Variants in AQR observed in about 807,000 individuals in gnomAD.
The protein encoded by AQR is aquarius intron-binding spliceosomal factor.
Under a neutral mutation model 180.5 loss-of-function variants are expected in AQR, and 61 were observed. The ratio of observed to expected loss-of-function variants is 0.34; its 90% CI spans 0.28 to 0.42. The LOEUF is 0.42. Ranked by LOEUF, AQR falls within the 10% of genes least tolerant of loss-of-function variation. AQR has a pLI of 1.00. For synonymous variants in AQR, 551 were observed against 588.8 expected (o/e 0.94, Z 0.93); for missense variants, 1,281 against 1,798.3 (o/e 0.71, Z 5.20).
chr15:34,920,855 G>A (rs946925351), intron 13 of AQR, among the ~76,000 whole-genome samples: 3 of 152,146 alleles, frequency 2.0e-5, no homozygotes, highest in Non-Finnish European at 2.9e-5. Flanking sequence ...CTACTCGGGA[G>A]GCTGAGGCAG....
chr15:34,901,882 A>G (rs1160753018), intron 19 of AQR, among the ~76,000 whole-genome samples: 1 of 152,238 alleles, frequency 6.6e-6, no homozygotes, highest in East Asian at 1.9e-4. Context: ...GAATACCCAA[A>G]TGAGTATATT....
intron 5 of AQR, among the ~76,000 whole-genome samples, chr15:34,946,299 A>T (rs1894111705): frequency 1.3e-5 from 2 of 152,208 alleles, no homozygotes; most frequent in East Asian, 3.9e-4. Context: ...AGAACATTGA[A>T]ATTATAATGT....
At chr15:34,858,633 G>T (rs551007184) in intron 34 of AQR, among the ~76,000 whole-genome samples, 72 of 152,238 alleles carry the variant, frequency 4.7e-4, no homozygotes, top group African/African-American at 1.7e-3. Context: ...GGATAGCTAA[G>T]ACAATTTCTA....
chr15:34,916,628 A>G (rs1595796275), intron 15 of AQR, among the ~76,000 whole-genome samples: 1 of 152,112 alleles, frequency 6.6e-6, no homozygotes, highest in African/African-American at 2.4e-5. Context: ...TAGGTGTTAA[A>G]TATCTATAGC....
chr15:34,872,831 T>G (rs59072667), intron 30 of AQR, among the ~76,000 whole-genome samples: 4,122 of 152,098 alleles, frequency 0.027, 197 homozygotes, highest in African/African-American at 0.093. Context: ...ATATTGGATA[T>G]TTTGCTGTAA....
Position 34,964,248 on chromosome 15 carries a change from G to A in AQR, c.118C>T (p.Pro40Ser), listed in dbSNP as rs1251520553. Reference sequence around the variant, plus strand: ...AAAATACTTACCTTTATATCAAAAGGTGATTTCTTCTTGATGTGGGGAGCC... The same window carrying A: ...AAAATACTTACCTTTATATCAAAAGATGATTTCTTCTTGATGTGGGGAGCC... ...YWAPHIKKKS[P>S]FDIKVIEDIY... Residue 40 changes from proline to serine, a missense_variant, in exon 2 of 35, where the codon CCT becomes TCT. Coordinates refer to ENST00000156471, the MANE Select transcript of AQR (RefSeq NM_014691.3). The A allele has an allele frequency of 6.2e-7, 1 of 1,606,496 alleles. No individual in the cohort carries two copies. The highest frequency in any genetic ancestry group is 2.2e-5 in the East Asian group (1 of 44,852).
rs988318683 is a variant in AQR, at chr15:34,854,963, A to G, written c.*1829T>C. 7 of 152,226 alleles carry G rather than the reference A, an allele frequency of 4.6e-5. No homozygotes were observed. Among genetic ancestry groups the G allele is most frequent in the African/African-American group, 1.4e-4 (6 of 41,458 alleles). The allele number at this position is 152,226 out of a possible 1,614,324, so 9.4% of individuals were successfully genotyped here. ...AATATTTACAAATGAAAATAATTCT[A>G]TGAGTGCGATTCCCCATACAGATGC... On this transcript the variant is annotated 3_prime_UTR_variant, in exon 35 of 35. Transcript: ENST00000156471.
At position 34,854,613 on chromosome 15, in the gene AQR, C is replaced by T. The variant is rs928155529; in HGVS notation, c.*2179G>A. ...CTCACTTGCCTTTCCAATGAATAAA[C>T]CGTTTAAAAGAATTCAAATCCCACC... On this transcript the variant is annotated 3_prime_UTR_variant, in exon 35 of 35. Transcript: ENST00000156471. 12 of 152,278 alleles carry T rather than the reference C, an allele frequency of 7.9e-5. No individual in the cohort carries two copies. The highest frequency in any genetic ancestry group is 4.6e-4 in the Admixed American group (7 of 15,304). 9.4% of individuals were successfully genotyped at this position (152,278 alleles called of 1,614,324 possible).
chr15:34,906,827 G>A, intron 17 of AQR, 115 bp from the exon 18 acceptor site: 1 of 941,212 alleles, frequency 1.1e-6, no homozygotes, highest in Non-Finnish European at 1.5e-6. Context: ...ATACCGTTGA[G>A]TGACCAATGA....
chr15:34,939,942 C>T (rs759071222), intron 8 of AQR, among the ~76,000 whole-genome samples: 6 of 152,134 alleles, frequency 3.9e-5, no homozygotes, highest in Non-Finnish European at 7.3e-5. Flanking sequence ...TGGAATCTAG[C>T]TAAGTCTGAT....
At chr15:34,914,583 C>G (rs17237249) in intron 16 of AQR, among the ~76,000 whole-genome samples, 3,729 of 152,268 alleles carry the variant, frequency 0.024, 71 homozygotes, top group Middle Eastern at 0.071. Flanking sequence ...TGTCCATTCC[C>G]CTAGAGAGGC....
intron 3 of AQR, among the ~76,000 whole-genome samples, chr15:34,954,781 A>T (rs1894281931): frequency 6.6e-6 from 1 of 151,836 alleles, no homozygotes; most frequent in South Asian, 2.1e-4. Context: ...TTGTAAGATT[A>T]AAAAAAACAG....
At position 34,910,217 on chromosome 15, in the gene AQR, T is replaced by C. The variant is rs773309612; in HGVS notation, c.1581A>G (p.Ile527Met). The change falls in exon 17 of 35, where the codon ATA becomes ATG. Residue 527 changes from isoleucine (I) to methionine (M), a missense_variant. Ile to Met is a conservative substitution (Grantham distance 10). Coordinates refer to ENST00000156471, the MANE Select transcript of AQR (RefSeq NM_014691.3). ...GAACTCGGGTTGGCCAGTTTTCACCTATGTTGGGTTTGGCCACTTCAACGA... is the reference window on the plus strand; with the variant it reads ...GAACTCGGGTTGGCCAGTTTTCACCCATGTTGGGTTTGGCCACTTCAACGA... ...FTVVEVAKPN[I>M]GENWPTRVRA... The C allele has an allele frequency of 3.7e-5, 60 of 1,614,110 alleles. No homozygotes were observed. Among genetic ancestry groups the C allele is most frequent in the Admixed American group, 8.3e-5 (5 of 59,998 alleles).
At chr15:34,870,463 C>T (rs1390985128) in intron 31 of AQR, among the ~76,000 whole-genome samples, 1 of 152,092 alleles carries the variant, frequency 6.6e-6, no homozygotes, top group Admixed American at 6.6e-5. Context: ...GCAAAACATA[C>T]TCCTTGTAAC....
intron 32 of AQR, 152 bp from the exon 33 acceptor site, chr15:34,863,193 T>C: frequency 1.5e-6 from 1 of 682,292 alleles, no homozygotes; most frequent in South Asian, 2.3e-5. Flanking sequence ...TTAATCAATG[T>C]TACGTGACTA....
At chr15:34,954,027 G>A (rs1283220608) in intron 3 of AQR, among the ~76,000 whole-genome samples, 2 of 151,688 alleles carry the variant, frequency 1.3e-5, no homozygotes, top group Non-Finnish European at 2.9e-5. Flanking sequence ...CAATTCTTGT[G>A]CCTCAGACTC....
intron 34 of AQR, among the ~76,000 whole-genome samples, chr15:34,858,437 A>C (rs1892622857): frequency 6.6e-6 from 1 of 152,202 alleles, no homozygotes; most frequent in Non-Finnish European, 1.5e-5. Flanking sequence ...AATTTAAAGA[A>C]GATCTAAATA....
At chr15:34,922,855 T>C (rs896774203) in intron 13 of AQR, among the ~76,000 whole-genome samples, 2 of 152,206 alleles carry the variant, frequency 1.3e-5, no homozygotes, top group Non-Finnish European at 2.9e-5. Flanking sequence ...TAGTATCTTC[T>C]TATGGTTTAA....
At chr15:34,916,819 A>G (rs1893597184) in intron 15 of AQR, among the ~76,000 whole-genome samples, 2 of 151,304 alleles carry the variant, frequency 1.3e-5, no homozygotes, top group Admixed American at 1.3e-4. Context: ...ATGAGTATTC[A>G]ATCAGAAAAA....
Sources: gnomAD v4.1 joint callset for allele counts (sites outside exome capture counted in the v4.1 genomes callset) on GRCh38, gnomAD v4.1.1 for gene constraint, MANE v1.5 for transcripts, NCBI Gene and HGNC (gene_info 2026-07-23, HGNC 2026-07-21) for gene names.